The following MUTYH variants were observed in gnomAD, a reference collection of about 807,000 sequenced individuals.
MUTYH encodes adenine DNA glycosylase.
A neutral mutation model predicts 72.9 loss-of-function variants in MUTYH; 64 were observed. That is an observed-to-expected ratio of 0.88 (90% CI 0.72 to 1.08). The LOEUF is 1.08. MUTYH is among the 50% of genes least tolerant of loss of function. The pLI is 0.00. For synonymous variants in MUTYH, 234 were observed against 263.1 expected (o/e 0.89, Z 1.07); for missense variants, 633 against 671.0 (o/e 0.94, Z 0.63).
In MUTYH at chr1:45,331,318, G is replaced by C; in HGVS notation, c.1256C>G (p.Ser419Cys). 1 of 1,614,216 alleles carries C rather than the reference G, an allele frequency of 6.2e-7. No individual in the cohort carries two copies. Among genetic ancestry groups the C allele is most frequent in the Non-Finnish European group, 8.5e-7 (1 of 1,180,040 alleles). ...RHLGEVVHTF[S>C]HIKLTYQVYG... ...TACTTGATATGTCAGCTTGATGTGAGAGAAGGTGTGGACAACCTGGAGGAA... is the reference window on the plus strand; with the variant it reads ...TACTTGATATGTCAGCTTGATGTGACAGAAGGTGTGGACAACCTGGAGGAA... Residue 419 changes from serine to cysteine, a missense_variant, in exon 14 of 16, where the codon TCT becomes TGT. Ser to Cys is a moderately radical substitution (Grantham distance 112). Transcript: ENST00000456914.
At chr1:45,330,842 T>C (rs985579750) in intron 14 of MUTYH, among the ~76,000 whole-genome samples, 3 of 152,036 alleles carry the variant, frequency 2.0e-5, no homozygotes, top group African/African-American at 4.8e-5. Context: ...CCCAGCATTC[T>C]GGGAGGCTGA....
chr1:45,338,301 T>C (rs1646253237), intron 1 of MUTYH: 2 of 532,706 alleles, frequency 3.8e-6, no homozygotes, highest in Non-Finnish European at 7.3e-6. Flanking sequence ...CCCCTCACTA[T>C]GCTCTAGCCA....
At chr1:45,330,845 G>A (rs926146356) in intron 14 of MUTYH, among the ~76,000 whole-genome samples, 2 of 152,136 alleles carry the variant, frequency 1.3e-5, no homozygotes, top group Non-Finnish European at 1.5e-5. Flanking sequence ...AGCATTCTGG[G>A]AGGCTGAGGC....
intron 1 of MUTYH, among the ~76,000 whole-genome samples, chr1:45,337,139 T>C (rs967066371): frequency 1.1e-4 from 16 of 152,108 alleles, no homozygotes; most frequent in Admixed American, 9.2e-4. Flanking sequence ...CTTCAATGGT[T>C]TCCCATTCTT....
intron 1 of MUTYH, chr1:45,338,434 A>G: frequency 2.5e-6 from 1 of 398,248 alleles, no homozygotes; most frequent in Non-Finnish European, 4.9e-6. Flanking sequence ...TCATTTTTCA[A>G]GTCTTGACTG....
rs2149132935 is a variant in MUTYH, at chr1:45,332,003, G to A, written c.913+20C>T. On this transcript the variant is annotated intron_variant, in intron 11 of 15. Transcript: ENST00000456914. ...ACTGGGCCAGGAAGGGTTGGGGTGGGGGCTAGGTTTGGTGCTCACCACACT... is the reference window on the plus strand; with the variant it reads ...ACTGGGCCAGGAAGGGTTGGGGTGGAGGCTAGGTTTGGTGCTCACCACACT... The A allele has an allele frequency of 6.2e-7, 1 of 1,614,200 alleles. No homozygotes were observed. Among genetic ancestry groups the A allele is most frequent in the Non-Finnish European group, 8.5e-7 (1 of 1,180,020 alleles).
At chr1:45,334,202 TG>T in intron 2 of MUTYH, 188 bp downstream of exon 2, 2 of 747,598 alleles carry the variant, frequency 2.7e-6, no homozygotes, top group Non-Finnish European at 4.4e-6. Flanking sequence ...TTACCCAAGC[TG>T]GTCTCAAACT....
chr1:45,331,615 C>T, intron 12 of MUTYH, 46 bp downstream of exon 12: 1 of 1,613,368 alleles, frequency 6.2e-7, no homozygotes. Context: ...CCTCCATTCT[C>T]TCTTGTTACT....
At chr1:45,339,631 C>T (rs1262997870) in intron 1 of MUTYH, 3 of 361,446 alleles carry the variant, frequency 8.3e-6, no homozygotes, top group Non-Finnish European at 1.6e-5. Context: ...CACATTATCA[C>T]TTGATTGGAT....
chr1:45,336,881 CATGT>C (rs1210769330), intron 1 of MUTYH, among the ~76,000 whole-genome samples: 1 of 152,124 alleles, frequency 6.6e-6, no homozygotes, highest in Non-Finnish European at 1.5e-5. Context: ...TCCCAATGTG[CATGT>C]TAATAAATTT....
rs200514222 is a variant in MUTYH at position 45,334,422 on chromosome 1, G to C, written c.84C>G (p.Asn28Lys). The change falls in exon 2 of 16, where the codon AAC (asparagine) becomes AAG (lysine). Residue 28 changes from asparagine to lysine, a missense_variant. Transcript: ENST00000456914. ...AGGCAGAAGGCTTGGCCTGACTGTT[G>C]TTCTTAGCATGCTTCTGCCTCCCTT... is the stretch of plus-strand genomic sequence containing the variant. ...SQEGRQKHAK[N>K]NSQAKPSACD... is the part of the protein sequence containing the mutation. 1.2e-6 allele frequency: 2 copies of C among 1,614,148 alleles called. No homozygotes were observed. The highest frequency in any genetic ancestry group is 1.7e-5 in the Admixed American group (1 of 60,022).
intron 4 of MUTYH, 25 bp from the exon 5 acceptor site, chr1:45,333,195 G>A: frequency 6.2e-7 from 1 of 1,614,192 alleles, no homozygotes; most frequent in East Asian, 2.2e-5. Flanking sequence ...TTGGCATGAG[G>A]ACACTGCTGA....
At chr1:45,338,159 G>A (rs865979306) in intron 1 of MUTYH, 2 of 514,402 alleles carry the variant, frequency 3.9e-6, no homozygotes, top group Non-Finnish European at 7.6e-6. Context: ...AACCAGATGA[G>A]GTGGGGAGAG....
At chr1:45,339,748 A>C (rs1462189506) in intron 1 of MUTYH, 151 bp downstream of exon 1, 1 of 1,023,584 alleles carries the variant, frequency 9.8e-7, no homozygotes, top group African/African-American at 1.7e-5. Flanking sequence ...TGAGCTCTCC[A>C]TCCTCTCTGG....
upstream of MUTYH, chr1:45,340,030 C>T: frequency 1.9e-6 from 3 of 1,539,644 alleles, no homozygotes; most frequent in Non-Finnish European, 2.6e-6. Flanking sequence ...GGGCGTGGCT[C>T]GGGTCCACCC....
At chr1:45,331,598 C>T (rs1362172221) in intron 12 of MUTYH, 42 bp from the exon 13 acceptor site, 2 of 1,613,166 alleles carry the variant, frequency 1.2e-6, no homozygotes, top group African/African-American at 2.7e-5. Context: ...GCCTCAGCTG[C>T]CGATTCCCTC....
chr1:45,334,514 G>A lies in MUTYH; in HGVS notation c.-6-3C>T, dbSNP rs1196822993. 3.1e-6 allele frequency: 5 copies of A among 1,613,994 alleles called. No homozygotes were observed. The highest frequency in any genetic ancestry group is 2.5e-6 in the Non-Finnish European group (3 of 1,179,942). On this transcript the variant is annotated splice_polypyrimidine_tract_variant and splice_region_variant and intron_variant, in intron 1 of 15. Transcript: ENST00000456914. ...GCTCGTGGCTTCCTCATGATGGCCT[G>A]AAACAAAAAGACCCAGCCAAAGCAG...
intron 1 of MUTYH, among the ~76,000 whole-genome samples, chr1:45,337,482 CTTTCT>C (rs1254035250): frequency 1.3e-5 from 2 of 152,030 alleles, no homozygotes; most frequent in African/African-American, 2.4e-5. Context: ...CTTTTATTTT[CTTTCT>C]TTTCTCTTTT....
intron 14 of MUTYH, 144 bp downstream of exon 14, chr1:45,331,038 T>G (rs1265723293): frequency 9.0e-7 from 1 of 1,109,172 alleles, no homozygotes; most frequent in Non-Finnish European, 1.3e-6. Flanking sequence ...TCAACCGAGA[T>G]AGCGCCATTG....
Sources: gnomAD v4.1 joint callset for allele counts (sites outside exome capture counted in the v4.1 genomes callset) on GRCh38, gnomAD v4.1.1 for gene constraint, MANE v1.5 for transcripts, NCBI Gene and HGNC (gene_info 2026-07-23, HGNC 2026-07-21) for gene names.